The following ASRGL1 variants were observed in gnomAD, a reference collection of about 807,000 sequenced individuals.
The protein encoded by ASRGL1 is isoaspartyl peptidase/L-asparaginase.
In ASRGL1, 16 loss-of-function variants were observed where a neutral mutation model predicts 22.4. That is an observed-to-expected ratio of 0.71 (90% confidence interval 0.48 to 1.08). The LOEUF is 1.08. Ranked by LOEUF, ASRGL1 falls within the 50% of genes least tolerant of loss-of-function variation. The pLI, the probability that ASRGL1 is intolerant of heterozygous loss-of-function variation, is 0.00. For synonymous variants in ASRGL1, 165 were observed against 159.3 expected, an observed-to-expected ratio of 1.04 and a Z score of -0.27; for missense variants, 412 against 410.1, an observed-to-expected ratio of 1.00 and a Z score of -0.04.
intron 4 of ASRGL1, chr11:62,372,348 G>A (rs974181492): frequency 1.9e-6 from 3 of 1,579,168 alleles, no homozygotes; most frequent in African/African-American, 2.7e-5. Flanking sequence ...CCCCAGCCCT[G>A]TGCAGATAAT....
intron 4 of ASRGL1, among the ~76,000 whole-genome samples, chr11:62,362,657 TATAAAA>T: frequency 1.0e-5 from 1 of 95,940 alleles, no homozygotes; most frequent in African/African-American, 4.3e-5. Flanking sequence ...ATATATATTA[TATAAAA>T]TATATAATAT....
chr11:62,362,461 T>TATATATTATATAAAATATATATA (rs1565161731), intron 4 of ASRGL1, among the ~76,000 whole-genome samples: 8 of 101,242 alleles, frequency 7.9e-5, no homozygotes, highest in South Asian at 6.2e-4. Flanking sequence ...ACCAAAAATA[T>TATATATTATATAAAATATATATA]ATATATATTA....
At chr11:62,397,313 C>A (rs1947442661), downstream of ASRGL1, among the ~76,000 whole-genome samples, 1 of 151,662 alleles carries the variant, frequency 6.6e-6, no homozygotes, top group Non-Finnish European at 1.5e-5. Flanking sequence ...CAGGCGTGAG[C>A]CACCGTGCCC....
chr11:62,356,255 C>T (rs1946291497), intron 2 of ASRGL1, 70 bp from the exon 3 acceptor site: 4 of 1,538,938 alleles, frequency 2.6e-6, no homozygotes, highest in Non-Finnish European at 3.5e-6. Flanking sequence ...GGGGGGCTGA[C>T]CCCCCCACCT....
chr11:62,346,986 AAAAT>A (rs2134581824), intron 2 of ASRGL1, among the ~76,000 whole-genome samples: 1 of 152,226 alleles, frequency 6.6e-6, no homozygotes, highest in Admixed American at 6.5e-5. Flanking sequence ...AAAAAAAAGA[AAAAT>A]AACGTCTGAC....
At chr11:62,344,371 T>G (rs147094663) in intron 2 of ASRGL1, among the ~76,000 whole-genome samples, 385 of 152,316 alleles carry the variant, frequency 2.5e-3, no homozygotes, top group Admixed American at 7.9e-3. Context: ...TGTCTTTTCT[T>G]TCTCAATATT....
intron 4 of ASRGL1, among the ~76,000 whole-genome samples, chr11:62,376,886 C>A (rs1287475215): frequency 1.3e-5 from 2 of 152,230 alleles, no homozygotes; most frequent in Admixed American, 1.3e-4. Context: ...GAAGTACTTT[C>A]TCCTGTTTGG....
At chr11:62,365,031 T>A (rs1946575848) in intron 4 of ASRGL1, among the ~76,000 whole-genome samples, 1 of 149,572 alleles carries the variant, frequency 6.7e-6, no homozygotes, top group Non-Finnish European at 1.5e-5. Flanking sequence ...ACCACGCTGT[T>A]GCACTGCAGC....
At chr11:62,355,876 G>A (rs1056484409) in intron 2 of ASRGL1, among the ~76,000 whole-genome samples, 3 of 152,060 alleles carry the variant, frequency 2.0e-5, no homozygotes, top group East Asian at 3.9e-4. Context: ...ATCTTGCACC[G>A]CCCTTAATCC....
chr11:62,394,194 TTATATATAATATATGA>T (rs1207712939), downstream of ASRGL1, among the ~76,000 whole-genome samples: 2 of 135,892 alleles, frequency 1.5e-5, no homozygotes, highest in Non-Finnish European at 3.1e-5. Context: ...ATATATACTA[TTATATATAATATATGA>T]TATATAATAT....
intron 6 of ASRGL1, 181 bp from the exon 7 acceptor site, chr11:62,391,898 T>A (rs1270355221): frequency 1.3e-6 from 1 of 775,948 alleles, no homozygotes; most frequent in Non-Finnish European, 2.1e-6. Flanking sequence ...ACCCCTCTGC[T>A]CAGGCTGATG....
At chr11:62,345,998 G>A (rs1946010142) in intron 2 of ASRGL1, among the ~76,000 whole-genome samples, 1 of 152,150 alleles carries the variant, frequency 6.6e-6, no homozygotes, top group Non-Finnish European at 1.5e-5. Flanking sequence ...GGACTCCTAT[G>A]ATAAAGGATA....
intron 2 of ASRGL1, among the ~76,000 whole-genome samples, chr11:62,351,378 G>A (rs907088803): frequency 6.6e-6 from 1 of 152,114 alleles, no homozygotes; most frequent in Non-Finnish European, 1.5e-5. Flanking sequence ...GGCTGAGCCT[G>A]GTGGCTCAAG....
At chr11:62,369,407 T>G (rs1946704061) in intron 4 of ASRGL1, among the ~76,000 whole-genome samples, 1 of 152,138 alleles carries the variant, frequency 6.6e-6, no homozygotes, top group South Asian at 2.1e-4. Context: ...TGTCTACTTC[T>G]TTCTACATAG....
chr11:62,345,837 A>G (rs1411187823), intron 2 of ASRGL1, among the ~76,000 whole-genome samples: 1 of 152,192 alleles, frequency 6.6e-6, no homozygotes, highest in Non-Finnish European at 1.5e-5. Context: ...AGTTCACAAC[A>G]GGGTTCACAC....
chr11:62,372,748 TC>T, intron 4 of ASRGL1: 1 of 1,532,224 alleles, frequency 6.5e-7, no homozygotes, highest in Non-Finnish European at 9.0e-7. Flanking sequence ...CTATTTGACT[TC>T]CCTGGGCATG....
intron 2 of ASRGL1, among the ~76,000 whole-genome samples, chr11:62,346,263 A>C (rs1255897697): frequency 6.6e-6 from 1 of 152,208 alleles, no homozygotes; most frequent in African/African-American, 2.4e-5. Context: ...TTACCAGTTT[A>C]TTATATGAAT....
chr11:62,372,098 C>T, intron 4 of ASRGL1: 1 of 776,504 alleles, frequency 1.3e-6, no homozygotes, highest in South Asian at 1.4e-5. Flanking sequence ...TGCACACAGC[C>T]TCCTCATCAC....
At chr11:62,383,510 G>A (rs1384086062) in intron 4 of ASRGL1, among the ~76,000 whole-genome samples, 2 of 145,334 alleles carry the variant, frequency 1.4e-5, no homozygotes, top group African/African-American at 5.2e-5. Context: ...GGCTGAGGCA[G>A]GAGAATGGCG....
Sources: allele counts gnomAD v4.1 joint callset (sites outside exome capture counted in the v4.1 genomes callset), GRCh38; gene constraint gnomAD v4.1.1; transcripts MANE v1.5; gene names NCBI Gene and HGNC (gene_info 2026-07-23, HGNC 2026-07-21).